The following RYR2 variants were observed in gnomAD, a reference collection of about 807,000 sequenced individuals.
RYR2 encodes the protein cardiac muscle ryanodine receptor-calcium release channel.
RYR2 carries 227 observed loss-of-function variants against 601.1 expected under a neutral mutation model. That is an observed-to-expected ratio of 0.38 (90% CI 0.34 to 0.42). The LOEUF (loss-of-function observed/expected upper bound fraction) is 0.42. RYR2 is among the 10% of genes least tolerant of loss of function. The pLI is 1.00. For missense variants in RYR2, 4,646 were observed against 6,156.5 expected (o/e 0.75, Z 8.21); for synonymous variants, 2,223 against 2,175.1 (o/e 1.02, Z -0.61).
At chr1:237,806,791 C>T (rs1471705705) in intron 99 of RYR2, among the ~76,000 whole-genome samples, 1 of 152,158 alleles carries the variant, frequency 6.6e-6, no homozygotes, top group Non-Finnish European at 1.5e-5. Context: ...GATAACGTTT[C>T]ATATTTGACA....
intron 34 of RYR2, among the ~76,000 whole-genome samples, chr1:237,598,287 TA>T (rs1012545686): frequency 2.0e-5 from 3 of 152,278 alleles, no homozygotes; most frequent in South Asian, 2.1e-4. Flanking sequence ...ACAGCAGATT[TA>T]AACTGCACTC....
Position 237,590,704 on chromosome 1 carries a change from G to A in RYR2, c.3872G>A (p.Gly1291Asp). 6.3e-7 allele frequency: 1 copy of A among 1,598,688 alleles called. No homozygotes were observed. Among genetic ancestry groups the A allele is most frequent in the Non-Finnish European group, 8.5e-7 (1 of 1,170,332 alleles). ...TTAAAGGTCACTCAGAAGTCTTTTG[G>A]TTCTCAGAACAGCAACACTGATATC... ...PCLKVTQKSF[G>D]SQNSNTDIMF... Residue 1291 changes from glycine to aspartate, a missense_variant, in exon 31 of 105, where the codon GGT (glycine) becomes GAT (aspartate). Transcript: ENST00000366574.
chr1:237,147,307 A>G (rs1674111898), intron 1 of RYR2, among the ~76,000 whole-genome samples: 1 of 152,148 alleles, frequency 6.6e-6, no homozygotes. Flanking sequence ...GCTAATTTTG[A>G]TAAAATTCCC....
intron 2 of RYR2, among the ~76,000 whole-genome samples, chr1:237,326,114 T>C (rs894888500): frequency 6.6e-6 from 1 of 152,110 alleles, no homozygotes; most frequent in African/African-American, 2.4e-5. Context: ...AGCCAAGTAG[T>C]TGATGGATAC....
rs386370106 is a variant in RYR2 at position 237,262,245 on chromosome 1, GTTTTTTTTTTT to G, written c.49-8235_49-8225del. On this transcript the variant is annotated intron_variant, in intron 1 of 104. Coordinates refer to ENST00000366574, the MANE Select transcript of RYR2 (RefSeq NM_001035.3). ...AAATATTAGATCTCTGTTCTAAAGA[GTTTTTTTTTTT>G]TTTTTTTTTTTTTTTTATGATGGAG... Among the ~76,000 whole-genome samples the G allele has an allele frequency of 2.0e-3, 123 of 61,106 alleles. 3 individuals are homozygous for G. The highest frequency in any genetic ancestry group is 6.4e-3 in the Admixed American group (21 of 3,302). The allele number at this position is 61,106 out of a possible 152,430, so 40.1% of individuals were successfully genotyped here.
chr1:237,298,516 A>G lies in RYR2; in HGVS notation c.168+27900A>G, dbSNP rs377647310. 6.0e-4 allele frequency among the ~76,000 whole-genome samples: 91 copies of G among 152,154 alleles called. No homozygotes were observed. The Middle Eastern group carries it at 0.01, about 17-fold the overall frequency. On this transcript the variant is annotated intron_variant, in intron 2 of 104. Transcript: ENST00000366574. ...TTTTTATTGTTTTCAAATTATTCTA[A>G]ATTCTTTAATCCTCTTTACTTAGGG...
intron 1 of RYR2, among the ~76,000 whole-genome samples, chr1:237,218,624 C>A (rs886662230): frequency 6.6e-6 from 1 of 152,096 alleles, no homozygotes; most frequent in Non-Finnish European, 1.5e-5. Flanking sequence ...GGAGAAGGTT[C>A]ACCATGGGGA....
chr1:237,298,825 C>A (rs1436867536), intron 2 of RYR2, among the ~76,000 whole-genome samples: 2 of 151,978 alleles, frequency 1.3e-5, no homozygotes, highest in Non-Finnish European at 2.9e-5. Flanking sequence ...GATGGCAAGA[C>A]CCCGTTTCTA....
At chr1:237,653,356 A>G (rs1682945947) in intron 51 of RYR2, among the ~76,000 whole-genome samples, 1 of 152,220 alleles carries the variant, frequency 6.6e-6, no homozygotes, top group Non-Finnish European at 1.5e-5. Flanking sequence ...CTTCTGGGTC[A>G]TCCTGACATC....
chr1:237,786,078 TC>T (rs1179707700), intron 91 of RYR2, 42 bp downstream of exon 91: 15 of 1,210,030 alleles, frequency 1.2e-5, no homozygotes, highest in Non-Finnish European at 1.8e-5. Context: ...TTTCAGTTTG[TC>T]ATTACATCTC....
chr1:237,325,096 G>T (rs1696019426), intron 2 of RYR2, among the ~76,000 whole-genome samples: 1 of 152,208 alleles, frequency 6.6e-6, no homozygotes, highest in African/African-American at 2.4e-5. Flanking sequence ...TGCTGCTGGT[G>T]GTGGCGGTGG....
chr1:237,456,375 A>G (rs1429131206), intron 15 of RYR2, among the ~76,000 whole-genome samples: 3 of 152,216 alleles, frequency 2.0e-5, no homozygotes, highest in Non-Finnish European at 2.9e-5. Context: ...CTATTTGATG[A>G]TGGCATACAG....
chr1:237,151,914 A>G (rs1234808121), intron 1 of RYR2, among the ~76,000 whole-genome samples: 1 of 152,152 alleles, frequency 6.6e-6, no homozygotes, highest in African/African-American at 2.4e-5. Context: ...GTAGATAAAC[A>G]TGTGCCATGG....
intron 13 of RYR2, among the ~76,000 whole-genome samples, chr1:237,444,397 G>A (rs1228120430): frequency 6.6e-6 from 1 of 152,062 alleles, no homozygotes; most frequent in Non-Finnish European, 1.5e-5. Flanking sequence ...AGATATATCT[G>A]TGTCTCACTC....
chr1:237,587,901 A>C (rs1441944779), intron 29 of RYR2, among the ~76,000 whole-genome samples: 5 of 152,200 alleles, frequency 3.3e-5, no homozygotes, highest in Admixed American at 3.3e-4. Context: ...GATGTTTACC[A>C]TTTGAGGAAA....
intron 1 of RYR2, among the ~76,000 whole-genome samples, chr1:237,047,562 T>TTTAG (rs1200637175): frequency 6.6e-5 from 10 of 152,118 alleles, no homozygotes; most frequent in African/African-American, 2.4e-4. Context: ...CATGTAATTA[T>TTTAG]CTAGCTTCTC....
At chr1:237,771,900 TGC>T in intron 85 of RYR2, 110 bp from the exon 86 acceptor site, 1 of 649,060 alleles carries the variant, frequency 1.5e-6, no homozygotes. Flanking sequence ...ATAAAAACAC[TGC>T]ACTAACCCAC....
chr1:237,069,374 ATTAC>A (rs1259555093), intron 1 of RYR2, among the ~76,000 whole-genome samples: 2 of 152,072 alleles, frequency 1.3e-5, no homozygotes, highest in African/African-American at 4.8e-5. Flanking sequence ...TAATTTTAAT[ATTAC>A]TTATATCTAG....
intron 2 of RYR2, among the ~76,000 whole-genome samples, chr1:237,284,870 A>ATTGATC (rs889593430): frequency 2.0e-5 from 3 of 152,092 alleles, no homozygotes; most frequent in African/African-American, 7.2e-5. Context: ...ATTTGTGTAC[A>ATTGATC]TTGATCTTGT....
Sources: gnomAD v4.1 joint callset for allele counts (sites outside exome capture counted in the v4.1 genomes callset) on GRCh38, gnomAD v4.1.1 for gene constraint, MANE v1.5 for transcripts, NCBI Gene and HGNC (gene_info 2026-07-23, HGNC 2026-07-21) for gene names.